The following PCDH11X variants were observed in gnomAD, a reference collection of about 807,000 sequenced individuals.
The protein encoded by PCDH11X is protocadherin-11 X-linked.
A neutral mutation model predicts 53.3 loss-of-function variants in PCDH11X; 18 were observed. The observed-to-expected ratio is 0.34, with a 90% confidence interval of 0.23 to 0.50. PCDH11X has a LOEUF of 0.50. PCDH11X is among the 20% of genes least tolerant of loss of function. PCDH11X has a pLI of 0.98. For synonymous variants in PCDH11X, 279 were observed against 393.3 expected (o/e 0.71, Z 3.44); for missense variants, 570 against 1,032.4 (o/e 0.55, Z 6.14).
chrX:91,900,680 T>C (rs2147783518), intron 6 of PCDH11X, among the ~76,000 whole-genome samples: 1 of 109,660 alleles, frequency 9.1e-6, no homozygotes, highest in Admixed American at 9.8e-5. Context: ...ATTACAGACA[T>C]CTCAAGATTT....
intron 6 of PCDH11X, among the ~76,000 whole-genome samples, chrX:91,977,163 G>T (rs1211286427): frequency 1.8e-5 from 2 of 111,661 alleles, no homozygotes; most frequent in East Asian, 2.8e-4. Flanking sequence ...GAGTAAGAGG[G>T]TTAATTGTAT....
At chrX:92,584,156 TTAAA>T (rs1238838852) in intron 10 of PCDH11X, among the ~76,000 whole-genome samples, 1 of 110,328 alleles carries the variant, frequency 9.1e-6, no homozygotes, top group African/African-American at 3.3e-5. Context: ...TATTAAAACT[TTAAA>T]TAATTATATT....
intron 6 of PCDH11X, among the ~76,000 whole-genome samples, chrX:92,108,655 T>C (rs750456344): frequency 1.8e-5 from 2 of 111,792 alleles, no homozygotes; most frequent in African/African-American, 3.2e-5. Flanking sequence ...TGGGAGGAAA[T>C]ACTTTTTAAA....
At chrX:92,460,930 A>G (rs936195651) in intron 9 of PCDH11X, 1 of 1,110,184 alleles carries the variant, frequency 9.0e-7, no homozygotes, top group African/African-American at 1.8e-5. Flanking sequence ...GAGACCAACA[A>G]CACCAAAGTT....
At chrX:92,333,361 A>G (rs2069538282) in intron 8 of PCDH11X, among the ~76,000 whole-genome samples, 1 of 111,278 alleles carries the variant, frequency 9.0e-6, no homozygotes, top group Non-Finnish European at 1.9e-5. Flanking sequence ...AATAGAGCTG[A>G]CAATTGATGC....
At chrX:92,154,606 A>C in intron 6 of PCDH11X, among the ~76,000 whole-genome samples, 1 of 108,426 alleles carries the variant, frequency 9.2e-6, no homozygotes, top group Non-Finnish European at 1.9e-5. Context: ...AAAACCCGAG[A>C]CCCTAGTGGG....
At chrX:91,886,960 G>T (rs1940246215) in intron 6 of PCDH11X, among the ~76,000 whole-genome samples, 1 of 79,830 alleles carries the variant, frequency 1.3e-5, no homozygotes, top group African/African-American at 5.2e-5. Flanking sequence ...GACAGAGCTA[G>T]ACTCCATCTC....
At chrX:92,181,178 A>G (rs1175526928) in intron 6 of PCDH11X, among the ~76,000 whole-genome samples, 1 of 111,540 alleles carries the variant, frequency 9.0e-6, no homozygotes, top group East Asian at 2.9e-4. Context: ...ACCTTGTTGA[A>G]AATTGGTGCA....
In PCDH11X at chrX:92,201,383, G is replaced by A; in HGVS notation, c.3042G>A (p.Lys1014=). ...TTTCTTCCCTTCTAAAGCCAATGAA[G>A]GAGGTTGTGCGATCTTGCACCCCCA... ...PVSVHTRPPM[K]EVVRSCTPMK... Residue 1014 remains lysine (K), a synonymous_variant, in exon 7 of 11, where the codon AAG becomes AAA. Coordinates refer to ENST00000682573, the MANE Select transcript of PCDH11X (RefSeq NM_032968.5). The A allele has an allele frequency of 8.3e-7, 1 of 1,200,536 alleles. No homozygotes were observed. The highest frequency in any genetic ancestry group is 1.8e-5 in the South Asian group (1 of 55,288).
At chrX:91,974,344 T>G (rs1421904487) in intron 6 of PCDH11X, among the ~76,000 whole-genome samples, 2 of 110,762 alleles carry the variant, frequency 1.8e-5, no homozygotes, top group African/African-American at 6.6e-5. Context: ...ATAACCTTTG[T>G]GGTGCACCAT....
At chrX:92,298,216 G>A (rs34608881) in intron 8 of PCDH11X, among the ~76,000 whole-genome samples, 2 of 111,599 alleles carry the variant, frequency 1.8e-5, no homozygotes, top group East Asian at 2.8e-4. Flanking sequence ...GAGCATTATT[G>A]TCTTGTTCCA....
intron 6 of PCDH11X, among the ~76,000 whole-genome samples, chrX:92,081,731 C>CAA (rs1262026076): frequency 1.8e-5 from 2 of 110,367 alleles, no homozygotes; most frequent in Non-Finnish European, 3.8e-5. Flanking sequence ...CACACACACA[C>CAA]ACACACATAC....
chrX:92,301,510 C>A (rs1279000154), intron 8 of PCDH11X, among the ~76,000 whole-genome samples: 1 of 110,488 alleles, frequency 9.1e-6, no homozygotes, highest in East Asian at 2.9e-4. Flanking sequence ...TTAAGCAGTT[C>A]TCGCTGCTAC....
intron 8 of PCDH11X, among the ~76,000 whole-genome samples, chrX:92,302,288 G>T (rs1257099247): frequency 9.0e-6 from 1 of 111,173 alleles, no homozygotes; most frequent in Non-Finnish European, 1.9e-5. Flanking sequence ...GTGTAACGGA[G>T]TTGTAGTCTT....
chrX:92,032,976 G>A lies in PCDH11X; in HGVS notation c.3033+153703G>A, dbSNP rs192770434. 4.0e-3 allele frequency among the ~76,000 whole-genome samples: 429 copies of A among 106,779 alleles called. 3 individuals carry two copies. The highest frequency in any genetic ancestry group is 0.014 in the African/African-American group (414 of 28,964). 92.7% of individuals were successfully genotyped at this position (106,779 alleles called of 115,157 possible). A position where few individuals can be genotyped will look rare whatever the true frequency, so the allele number is the denominator to read the frequency against. On this transcript the variant is annotated intron_variant, in intron 6 of 10. Transcript: ENST00000682573. Reference sequence around the variant, plus strand: ...ACTACAGGTGTTCGCCACCATGCCTGGCTACATTTTTGTAGCTATAGGGTT... The same window carrying A: ...ACTACAGGTGTTCGCCACCATGCCTAGCTACATTTTTGTAGCTATAGGGTT...
Position 92,506,216 on chromosome X carries a change from C to CTTTTTTTTTT in PCDH11X, c.3367+37907_3367+37916dup, listed in dbSNP as rs1180678297. Among the ~76,000 whole-genome samples, 241 of 40,168 alleles carry CTTTTTTTTTT rather than the reference C, an allele frequency of 6.0e-3. 2 individuals are homozygous for CTTTTTTTTTT. Among genetic ancestry groups the CTTTTTTTTTT allele is most frequent in the East Asian group, 8.4e-3 (9 of 1,066 alleles). The allele number at this position is 40,168 out of a possible 115,157, so 34.9% of individuals were successfully genotyped here. A position where few individuals can be genotyped will look rare whatever the true frequency, so the allele number is the denominator to read the frequency against. On this transcript the variant is annotated intron_variant, in intron 10 of 10. Transcript: ENST00000682573. ...ATTTGGATACATTTTCTTTTCTTTTCTTTTTTTTTTTTTTTTTTTTTTGCC... is the reference window on the plus strand; with the variant it reads ...ATTTGGATACATTTTCTTTTCTTTTCTTTTTTTTTTTTTTTTTTTTTTTTTTTTTTTTGCC...
Position 91,784,289 on chromosome X carries a change from TAAG to T in PCDH11X, c.-379+4610_-379+4612del, listed in dbSNP as rs958283126. ...CAGTAGAGAGTGGAAGCAAATATGT[TAAG>T]AAGATAATGTAACATCCAGAAAAGA... is the stretch of plus-strand genomic sequence containing the variant. On this transcript the variant is annotated intron_variant, in intron 1 of 10. Coordinates refer to ENST00000682573, the MANE Select transcript of PCDH11X (RefSeq NM_032968.5). Among the ~76,000 whole-genome samples, 9 of 112,141 alleles carry T rather than the reference TAAG, an allele frequency of 8.0e-5. No individual in the cohort carries two copies. In the Admixed American group the frequency reaches 8.5e-4, roughly 11 times the overall value.
intron 2 of PCDH11X, 83 bp from the exon 3 acceptor site, chrX:91,810,390 G>GC (rs1177778326): frequency 1.8e-5 from 2 of 111,731 alleles, no homozygotes; most frequent in Non-Finnish European, 3.8e-5. Context: ...TAAAATGATG[G>GC]CCCTCTGTCA....
intron 7 of PCDH11X, among the ~76,000 whole-genome samples, chrX:92,248,380 A>G (rs923378568): frequency 3.6e-5 from 4 of 111,666 alleles, no homozygotes; most frequent in Admixed American, 1.9e-4. Flanking sequence ...AATTACTATA[A>G]TAGCATTTTA....
Sources: allele counts gnomAD v4.1 joint callset (sites outside exome capture counted in the v4.1 genomes callset), GRCh38; gene constraint gnomAD v4.1.1; transcripts MANE v1.5; gene names NCBI Gene and HGNC (gene_info 2026-07-23, HGNC 2026-07-21).